The following ARFGEF3 variants were observed in gnomAD, a reference collection of about 807,000 sequenced individuals.
The protein encoded by ARFGEF3 is ARFGEF family member 3.
A neutral mutation model predicts 221.7 loss-of-function variants in ARFGEF3; 96 were observed. The ratio of observed to expected loss-of-function variants is 0.43; its 90% confidence interval spans 0.37 to 0.51. The LOEUF is 0.51. Among genes scored for constraint, ARFGEF3 ranks in the 20% least tolerant of loss-of-function variants. ARFGEF3 has a pLI of 0.00. For synonymous variants in ARFGEF3, 1,145 were observed against 1,126.8 expected, an observed-to-expected ratio of 1.02 and a Z score of -0.32; for missense variants, 2,410 against 2,789.9, an observed-to-expected ratio of 0.86 and a Z score of 3.07.
intron 4 of ARFGEF3, among the ~76,000 whole-genome samples, chr6:138,225,217 A>G (rs2114524798): frequency 6.6e-6 from 1 of 152,324 alleles, no homozygotes; most frequent in Non-Finnish European, 1.5e-5. Context: ...TTTTAGTTAT[A>G]ATTTATTGGC....
At chr6:138,247,704 T>C (rs1778510968) in intron 8 of ARFGEF3, among the ~76,000 whole-genome samples, 1 of 152,226 alleles carries the variant, frequency 6.6e-6, no homozygotes, top group Admixed American at 6.5e-5. Flanking sequence ...ACCCTAAGTC[T>C]GTGTATCCTA....
chr6:138,243,070 G>A, intron 7 of ARFGEF3, 76 bp downstream of exon 7: 1 of 1,131,678 alleles, frequency 8.8e-7, no homozygotes, highest in Non-Finnish European at 1.3e-6. Flanking sequence ...GGAGTGAGGG[G>A]TACAAAGATG....
At chr6:138,198,694 AT>A (rs67334986) in intron 2 of ARFGEF3, among the ~76,000 whole-genome samples, 34,718 of 152,104 alleles carry the variant, frequency 0.23, 5,593 homozygotes, top group African/African-American at 0.44. Context: ...CCAAAGCCAG[AT>A]TTTTTTCCAC....
At chr6:138,279,042 G>C (rs781054991) in intron 13 of ARFGEF3, among the ~76,000 whole-genome samples, 1 of 152,038 alleles carries the variant, frequency 6.6e-6, no homozygotes, top group African/African-American at 2.4e-5. Context: ...ACAGAGCCCC[G>C]CTTTGTTGTC....
chr6:138,173,876 C>G (rs977573525), intron 2 of ARFGEF3, among the ~76,000 whole-genome samples: 1 of 152,118 alleles, frequency 6.6e-6, no homozygotes, highest in Admixed American at 6.5e-5. Context: ...ATTAGAAATT[C>G]AACTCAGAGT....
At chr6:138,218,246 G>A (rs1393881462) in intron 4 of ARFGEF3, 2 of 1,612,614 alleles carry the variant, frequency 1.2e-6, no homozygotes, top group Non-Finnish European at 1.7e-6. Context: ...GAAATACCTT[G>A]TAGCAGAATG....
chr6:138,300,292 T>C (rs1779606610), intron 22 of ARFGEF3, among the ~76,000 whole-genome samples: 1 of 152,158 alleles, frequency 6.6e-6, no homozygotes. Flanking sequence ...TATAGTTATC[T>C]CCTAGATAGT....
At chr6:138,310,066 A>T (rs1779798302) in intron 24 of ARFGEF3, among the ~76,000 whole-genome samples, 1 of 152,198 alleles carries the variant, frequency 6.6e-6, no homozygotes, top group Non-Finnish European at 1.5e-5. Flanking sequence ...TCTTCTGTGA[A>T]TTCTAAAGTG....
intron 12 of ARFGEF3, among the ~76,000 whole-genome samples, chr6:138,267,365 C>T (rs1778916120): frequency 6.6e-6 from 1 of 151,864 alleles, no homozygotes; most frequent in Non-Finnish European, 1.5e-5. Flanking sequence ...GCGGAGGTTG[C>T]AGTGAGCCGA....
chr6:138,329,165 C>T (rs971792057), intron 32 of ARFGEF3, among the ~76,000 whole-genome samples: 1 of 152,138 alleles, frequency 6.6e-6, no homozygotes, highest in African/African-American at 2.4e-5. Flanking sequence ...AAATATGGTT[C>T]CTAGACTTGA....
At chr6:138,205,124 C>T (rs780141487) in intron 2 of ARFGEF3, among the ~76,000 whole-genome samples, 6 of 152,168 alleles carry the variant, frequency 3.9e-5, no homozygotes, top group Admixed American at 6.5e-5. Context: ...CATATTGCTG[C>T]TTTCCAAGGG....
Position 138,333,304 on chromosome 6 carries a change from TTC to T in ARFGEF3, c.5124-664_5124-663del, listed in dbSNP as rs1780258903. Reference sequence around the variant, plus strand: ...TCATAATAGGAAAACCCAAAATATATTCTGTGTCCCCAAGGGCAAAAAGACTT... The same window carrying T: ...TCATAATAGGAAAACCCAAAATATATTGTGTCCCCAAGGGCAAAAAGACTT... On this transcript the variant is annotated intron_variant, in intron 32 of 33. Transcript: ENST00000251691. 2.0e-5 allele frequency among the ~76,000 whole-genome samples: 3 copies of T among 152,292 alleles called. No individual in the cohort carries two copies. In the South Asian group the frequency reaches 6.2e-4, roughly 32 times the overall value.
At chr6:138,262,645 A>T in intron 11 of ARFGEF3, 56 bp from the exon 12 acceptor site, 1 of 1,501,558 alleles carries the variant, frequency 6.7e-7, no homozygotes, top group South Asian at 1.3e-5. Context: ...TTCCTTTCAG[A>T]GATATTTTCT....
In ARFGEF3 at chr6:138,266,465, C is replaced by T. The variant is rs146691437; in HGVS notation, c.2128+2854C>T. Among the ~76,000 whole-genome samples, 254 of 152,180 alleles carry T rather than the reference C, an allele frequency of 1.7e-3. 6 individuals carry two copies. The East Asian group carries it at 0.034, about 21-fold the overall frequency. On this transcript the variant is annotated intron_variant, in intron 12 of 33. Coordinates refer to ENST00000251691, the MANE Select transcript of ARFGEF3 (RefSeq NM_020340.5). Reference sequence around the variant, plus strand: ...TGTTGTTCTGGCTGGTCTCAAACTCCTGGGCTCAAACAATCCTCCTGCCTT... The same window carrying T: ...TGTTGTTCTGGCTGGTCTCAAACTCTTGGGCTCAAACAATCCTCCTGCCTT...
intron 24 of ARFGEF3, among the ~76,000 whole-genome samples, chr6:138,310,473 G>A (rs937366521): frequency 6.6e-6 from 1 of 152,220 alleles, no homozygotes; most frequent in Non-Finnish European, 1.5e-5. Flanking sequence ...AGTATGACCT[G>A]CAAAGCCTGA....
chr6:138,176,932 A>G (rs1776961924), intron 2 of ARFGEF3, among the ~76,000 whole-genome samples: 1 of 151,884 alleles, frequency 6.6e-6, no homozygotes, highest in Admixed American at 6.6e-5. Context: ...CATTTTGAAA[A>G]TGTCATTCAA....
chr6:138,245,897 T>G lies in ARFGEF3; in HGVS notation c.665+306T>G, dbSNP rs374006408. 1.4e-3 allele frequency among the ~76,000 whole-genome samples: 207 copies of G among 152,230 alleles called. 1 individual carries two copies. The South Asian group carries it at 0.024, about 18-fold the overall frequency. ...GGAAGAATCCTGGGCTGAGTGCTGG[T>G]TGGTATGAGAGCCAGTCCTGTCTCA... On this transcript the variant is annotated intron_variant, in intron 8 of 33. Transcript: ENST00000251691.
At chr6:138,202,727 A>G (rs947801862) in intron 2 of ARFGEF3, among the ~76,000 whole-genome samples, 7 of 152,258 alleles carry the variant, frequency 4.6e-5, no homozygotes, top group Admixed American at 6.5e-5. Context: ...TTTTAAGTAA[A>G]TATCTGTTTT....
intron 7 of ARFGEF3, among the ~76,000 whole-genome samples, chr6:138,245,262 A>G (rs1372772406): frequency 6.6e-6 from 1 of 152,210 alleles, no homozygotes; most frequent in Non-Finnish European, 1.5e-5. Flanking sequence ...AGATTGCGCC[A>G]CTGCACTCCA....
Sources: allele counts gnomAD v4.1 joint callset (sites outside exome capture counted in the v4.1 genomes callset), GRCh38; gene constraint gnomAD v4.1.1; transcripts MANE v1.5; gene names NCBI Gene and HGNC (gene_info 2026-07-23, HGNC 2026-07-21).